NAV3: variants seen among roughly 807,000 people sequenced by gnomAD.
NAV3 encodes neuron navigator 3, also known as pore membrane and/or filament interacting like protein 1.
Under a neutral mutation model 244.7 loss-of-function variants are expected in NAV3, and 87 were observed. The ratio of observed to expected loss-of-function variants is 0.36; its 90% confidence interval spans 0.30 to 0.42. NAV3 has a LOEUF of 0.42. Among genes scored for constraint, NAV3 ranks in the 20% least tolerant of loss-of-function variants. The pLI is 1.00. For missense variants in NAV3, 2,663 were observed against 2,893.3 expected (o/e 0.92, Z 1.83); for synonymous variants, 1,126 against 1,042.2 (o/e 1.08, Z -1.55).
chr12:77,924,338 T>C (rs774852131), intron 1 of NAV3, among the ~76,000 whole-genome samples: 1 of 152,174 alleles, frequency 6.6e-6, no homozygotes, highest in Non-Finnish European at 1.5e-5. Flanking sequence ...TGGTGATATC[T>C]AGTCCATTTT....
chr12:77,771,466 C>CAT (rs1309146734), intron 2 of NAV3, among the ~76,000 whole-genome samples: 3 of 152,108 alleles, frequency 2.0e-5, no homozygotes, highest in African/African-American at 7.2e-5. Flanking sequence ...CATGCACATG[C>CAT]ATGTTTATTG....
At chr12:77,698,932 A>G (rs1179015067) in intron 2 of NAV3, among the ~76,000 whole-genome samples, 1 of 152,116 alleles carries the variant, frequency 6.6e-6, no homozygotes. Context: ...ACTTGTGCAC[A>G]ATTTCTTCCA....
In NAV3 at chr12:77,581,846, TC is replaced by T. The variant is rs1466193883; in HGVS notation, c.72+9581del. ...GCATTTATGGGGTACCTACTTATGC[TC>T]TGTGGTAGGTAATAGTAAAACTACC... On this transcript the variant is annotated intron_variant, in intron 2 of 8. Transcript: ENST00000550042. Among the ~76,000 whole-genome samples, 3 of 152,186 alleles carry T rather than the reference TC, an allele frequency of 2.0e-5. No homozygotes were observed. In the East Asian group the frequency reaches 5.8e-4, roughly 29 times the overall value.
rs112843012 is a variant in NAV3 at position 78,047,319 on chromosome 12, C to T, written c.2024-2674C>T. Among the ~76,000 whole-genome samples the T allele has an allele frequency of 2.3e-3, 345 of 152,152 alleles. 2 individuals carry two copies. The highest frequency in any genetic ancestry group is 7.5e-3 in the African/African-American group (312 of 41,508). ...TGGCTAACACGGTGAAACCCCATCT[C>T]TACTAAAAATACAAAAAATTAGCCA... On this transcript the variant is annotated intron_variant, in intron 9 of 39. Coordinates refer to ENST00000397909, the MANE Select transcript of NAV3 (RefSeq NM_001024383.2).
At chr12:77,622,806 A>G (rs897802818) in intron 2 of NAV3, among the ~76,000 whole-genome samples, 1 of 152,178 alleles carries the variant, frequency 6.6e-6, no homozygotes, top group Non-Finnish European at 1.5e-5. Flanking sequence ...ATATAAATGT[A>G]TATCTATAAC....
At chr12:77,906,928 T>C (rs993040900) in intron 1 of NAV3, among the ~76,000 whole-genome samples, 1 of 152,154 alleles carries the variant, frequency 6.6e-6, no homozygotes, top group Admixed American at 6.6e-5. Flanking sequence ...TGTCATTACT[T>C]AATAGTTACA....
chr12:77,697,394 C>T (rs1326361267), intron 2 of NAV3, among the ~76,000 whole-genome samples: 1 of 152,132 alleles, frequency 6.6e-6, no homozygotes, highest in Non-Finnish European at 1.5e-5. Context: ...GTAAGACAGT[C>T]CTAGATGTAA....
At chr12:78,071,868 A>G (rs532358733) in intron 12 of NAV3, among the ~76,000 whole-genome samples, 1 of 152,344 alleles carries the variant, frequency 6.6e-6, no homozygotes, top group South Asian at 2.1e-4. Flanking sequence ...ACTAGAACTC[A>G]GGATTAAGAA....
At chr12:78,034,875 T>C (rs1338878076) in intron 9 of NAV3, among the ~76,000 whole-genome samples, 1 of 152,230 alleles carries the variant, frequency 6.6e-6, no homozygotes, top group Non-Finnish European at 1.5e-5. Context: ...TCAGTTTCAA[T>C]TATCTGATAT....
At chr12:77,779,774 A>G (rs1870572181) in intron 2 of NAV3, among the ~76,000 whole-genome samples, 2 of 152,166 alleles carry the variant, frequency 1.3e-5, no homozygotes, top group African/African-American at 2.4e-5. Context: ...TTTCTCTGTC[A>G]GCCAAATAAG....
chr12:78,165,936 C>A (rs1957761244), intron 23 of NAV3, among the ~76,000 whole-genome samples: 1 of 149,236 alleles, frequency 6.7e-6, no homozygotes, highest in Non-Finnish European at 1.5e-5. Context: ...TTATATGGTA[C>A]CCCACTCACT....
At chr12:77,576,219 T>A (rs1381063843) in intron 2 of NAV3, among the ~76,000 whole-genome samples, 1 of 152,116 alleles carries the variant, frequency 6.6e-6, no homozygotes, top group Non-Finnish European at 1.5e-5. Flanking sequence ...GAGAAATTAT[T>A]GTATTAATTG....
intron 1 of NAV3, among the ~76,000 whole-genome samples, chr12:77,894,528 TAGAA>T (rs1336279478): frequency 2.6e-5 from 4 of 151,710 alleles, no homozygotes; most frequent in Non-Finnish European, 5.9e-5. Flanking sequence ...ACTTGATTAA[TAGAA>T]AGAACCAAAT....
At chr12:78,103,633 C>T (rs993055480) in intron 12 of NAV3, among the ~76,000 whole-genome samples, 1 of 152,304 alleles carries the variant, frequency 6.6e-6, no homozygotes, top group African/African-American at 2.4e-5. Flanking sequence ...TTTAATTGGA[C>T]TTACAGTTCC....
intron 12 of NAV3, among the ~76,000 whole-genome samples, chr12:78,106,280 A>G (rs1281911713): frequency 2.0e-5 from 3 of 152,164 alleles, no homozygotes; most frequent in Non-Finnish European, 4.4e-5. Context: ...TCTACTAACA[A>G]AAACTATTTG....
In NAV3 at chr12:78,206,046, T is replaced by C. The variant is rs79445466; in HGVS notation, c.7038+908T>C. ...ACATCATCATCATCATCATCTCAGC[T>C]GAACATTTTGGGAGTTTCTTGTGGA... On this transcript the variant is annotated intron_variant, in intron 39 of 39. Transcript: ENST00000397909. Among the ~76,000 whole-genome samples, 1,143 of 152,246 alleles carry C rather than the reference T, an allele frequency of 7.5e-3. 43 individuals carry two copies. The East Asian group carries it at 0.12, about 16-fold the overall frequency.
At chr12:78,068,754 T>C (rs942105141) in intron 12 of NAV3, among the ~76,000 whole-genome samples, 2 of 150,532 alleles carry the variant, frequency 1.3e-5, no homozygotes, top group Non-Finnish European at 3.0e-5. Context: ...GCTCAGGAAA[T>C]AGAAAAATGG....
chr12:77,772,280 C>A (rs1030205236), intron 2 of NAV3, among the ~76,000 whole-genome samples: 1 of 152,022 alleles, frequency 6.6e-6, no homozygotes, highest in Non-Finnish European at 1.5e-5. Flanking sequence ...GCTTTGTATG[C>A]TCTGAGCAAC....
At chr12:78,187,397 A>G (rs1156808630) in intron 31 of NAV3, among the ~76,000 whole-genome samples, 5 of 151,890 alleles carry the variant, frequency 3.3e-5, no homozygotes. Flanking sequence ...TGGTGACTAG[A>G]ACCAGGATTA....
Sources: gnomAD v4.1 joint callset for allele counts (sites outside exome capture counted in the v4.1 genomes callset) on GRCh38, gnomAD v4.1.1 for gene constraint, MANE v1.5 for transcripts, NCBI Gene and HGNC (gene_info 2026-07-23, HGNC 2026-07-21) for gene names.